The following LMX1A variants were observed in gnomAD, a reference collection of about 807,000 sequenced individuals.
LMX1A encodes LIM homeobox transcription factor 1-alpha.
LMX1A carries 15 observed loss-of-function variants against 49.1 expected under a neutral mutation model. The ratio of observed to expected loss-of-function variants is 0.31; its 90% CI spans 0.20 to 0.47. LMX1A has a LOEUF of 0.47. Ranked by LOEUF, LMX1A falls within the 20% of genes least tolerant of loss-of-function variation. The pLI, the probability that LMX1A is intolerant of heterozygous loss-of-function variation, is 1.00. For synonymous variants in LMX1A, 167 were observed against 185.7 expected (o/e 0.90, Z 0.82); for missense variants, 372 against 475.8 (o/e 0.78, Z 2.03).
intron 3 of LMX1A, among the ~76,000 whole-genome samples, chr1:165,303,154 T>C (rs1175893235): frequency 1.3e-5 from 2 of 152,236 alleles, no homozygotes; most frequent in Non-Finnish European, 2.9e-5. Flanking sequence ...TTCATGCATC[T>C]TGGTCCAAAA....
At chr1:165,315,578 C>T (rs1571218568) in intron 3 of LMX1A, among the ~76,000 whole-genome samples, 1 of 152,174 alleles carries the variant, frequency 6.6e-6, no homozygotes, top group South Asian at 2.1e-4. Flanking sequence ...GTATTTGGTC[C>T]GTAATCCAAC....
At chr1:165,306,890 C>T (rs2101729875) in intron 3 of LMX1A, among the ~76,000 whole-genome samples, 1 of 152,344 alleles carries the variant, frequency 6.6e-6, no homozygotes, top group South Asian at 2.1e-4. Context: ...TACCACCCTC[C>T]TCCGCCTCCC....
intron 3 of LMX1A, among the ~76,000 whole-genome samples, chr1:165,305,331 G>C (rs1361684597): frequency 6.6e-6 from 1 of 152,168 alleles, no homozygotes; most frequent in Non-Finnish European, 1.5e-5. Context: ...TTATGACTGA[G>C]CAAAGGGGAG....
intron 3 of LMX1A, among the ~76,000 whole-genome samples, chr1:165,251,400 C>T (rs765570488): frequency 5.9e-5 from 9 of 152,022 alleles, no homozygotes; most frequent in East Asian, 1.9e-4. Flanking sequence ...TTTTTTAACA[C>T]GGTAATATCC....
At chr1:165,230,734 T>C (rs1652210368) in intron 4 of LMX1A, among the ~76,000 whole-genome samples, 1 of 152,202 alleles carries the variant, frequency 6.6e-6, no homozygotes, top group Non-Finnish European at 1.5e-5. Flanking sequence ...GGAAACTGAG[T>C]CACAGATAAG....
In LMX1A at chr1:165,348,328, G is replaced by A. The variant is rs567562886; in HGVS notation, c.263+4748C>T. The stretch of plus-strand genomic sequence containing the variant: ...TTTTATTTCAAAATTTTAAGTCTTA[G>A]ATTCCAAGAAAGTCTTACCCAGGGA... On this transcript the variant is annotated intron_variant, in intron 3 of 8. Transcript: ENST00000342310. 1.2e-4 allele frequency among the ~76,000 whole-genome samples: 19 copies of A among 152,144 alleles called. No homozygotes were observed. In the South Asian group the frequency reaches 3.7e-3, roughly 30 times the overall value.
intron 3 of LMX1A, among the ~76,000 whole-genome samples, chr1:165,346,650 T>G (rs1656254002): frequency 6.6e-6 from 1 of 152,208 alleles, no homozygotes; most frequent in African/African-American, 2.4e-5. Flanking sequence ...AGGGCCGCAG[T>G]TTTCTTCCTT....
intron 3 of LMX1A, among the ~76,000 whole-genome samples, chr1:165,253,127 A>G (rs1277563437): frequency 1.3e-5 from 2 of 152,226 alleles, no homozygotes; most frequent in Non-Finnish European, 2.9e-5. Context: ...AAGAGGATAC[A>G]AGACAGACAA....
chr1:165,311,169 AC>A (rs1307711884), intron 3 of LMX1A, among the ~76,000 whole-genome samples: 1 of 152,210 alleles, frequency 6.6e-6, no homozygotes, highest in Non-Finnish European at 1.5e-5. Context: ...GAAATGCCTG[AC>A]TGGAATTGGA....
intron 3 of LMX1A, among the ~76,000 whole-genome samples, chr1:165,325,750 T>C (rs978306070): frequency 6.6e-6 from 1 of 152,166 alleles, no homozygotes; most frequent in African/African-American, 2.4e-5. Context: ...GCCTCAGGCA[T>C]ATGCTGCAAC....
At chr1:165,257,015 A>G (rs1653265042) in intron 3 of LMX1A, among the ~76,000 whole-genome samples, 1 of 152,178 alleles carries the variant, frequency 6.6e-6, no homozygotes, top group Non-Finnish European at 1.5e-5. Context: ...TTGTTAGAAC[A>G]TATTTCAGCT....
At chr1:165,342,184 A>G (rs1656096701) in intron 3 of LMX1A, among the ~76,000 whole-genome samples, 1 of 152,230 alleles carries the variant, frequency 6.6e-6, no homozygotes, top group South Asian at 2.1e-4. Flanking sequence ...GCCAAGTAAA[A>G]AACAAGAGGG....
chr1:165,333,187 A>G (rs1443108122), intron 3 of LMX1A, among the ~76,000 whole-genome samples: 1 of 152,126 alleles, frequency 6.6e-6, no homozygotes, highest in African/African-American at 2.4e-5. Context: ...TTGTTTTGAG[A>G]CAGAGTTTCA....
intron 4 of LMX1A, among the ~76,000 whole-genome samples, chr1:165,235,542 T>C (rs1374275564): frequency 1.3e-5 from 2 of 152,174 alleles, no homozygotes; most frequent in Non-Finnish European, 2.9e-5. Context: ...GCATTACTTT[T>C]AATTAACTCT....
chr1:165,231,050 A>G (rs1652221796), intron 4 of LMX1A, among the ~76,000 whole-genome samples: 1 of 152,202 alleles, frequency 6.6e-6, no homozygotes, highest in Non-Finnish European at 1.5e-5. Context: ...TCCCTGGTTC[A>G]CTAACTAGAG....
At chr1:165,219,324 A>G (rs922515473) in intron 4 of LMX1A, among the ~76,000 whole-genome samples, 2 of 152,126 alleles carry the variant, frequency 1.3e-5, no homozygotes, top group Admixed American at 1.3e-4. Context: ...AGGGGATGAG[A>G]GACCTTCATG....
intron 4 of LMX1A, among the ~76,000 whole-genome samples, chr1:165,216,838 C>T (rs1651659975): frequency 6.6e-6 from 1 of 152,078 alleles, no homozygotes. Flanking sequence ...TAAATTCAGG[C>T]TTAAATTCTA....
chr1:165,235,559 C>G (rs552042387), intron 4 of LMX1A, among the ~76,000 whole-genome samples: 24 of 152,288 alleles, frequency 1.6e-4, no homozygotes, highest in Non-Finnish European at 3.2e-4. Context: ...CTCTGCGGCG[C>G]GGCGCGGGGA....
chr1:165,239,064 T>C (rs1652551048), intron 4 of LMX1A, among the ~76,000 whole-genome samples: 2 of 36,818 alleles, frequency 5.4e-5, no homozygotes, highest in African/African-American at 2.5e-4. Flanking sequence ...ATCATCATCA[T>C]CATGAAAAAA....
Sources: allele counts gnomAD v4.1 joint callset (sites outside exome capture counted in the v4.1 genomes callset), GRCh38; gene constraint gnomAD v4.1.1; transcripts MANE v1.5; gene names NCBI Gene and HGNC (gene_info 2026-07-23, HGNC 2026-07-21).